FBLN1: variants seen among roughly 807,000 people sequenced by gnomAD.
The protein encoded by FBLN1 is fibulin-1.
In FBLN1, 34 loss-of-function variants were observed where a neutral mutation model predicts 89.7. The observed-to-expected ratio is 0.38, with a 90% CI of 0.29 to 0.50. The LOEUF is 0.50. FBLN1 is among the 20% of genes least tolerant of loss of function. FBLN1 has a pLI of 0.92. For synonymous variants in FBLN1, 393 were observed against 391.3 expected, an observed-to-expected ratio of 1.00 and a Z score of -0.05; for missense variants, 777 against 988.1, an observed-to-expected ratio of 0.79 and a Z score of 2.86.
In FBLN1 at chr22:45,531,220, A is replaced by T; in HGVS notation, c.485-45A>T. 1 of 1,549,870 alleles carries T rather than the reference A, an allele frequency of 6.5e-7. No homozygotes were observed. Among genetic ancestry groups the T allele is most frequent in the Non-Finnish European group, 8.9e-7 (1 of 1,121,516 alleles). On this transcript the variant is annotated intron_variant, in intron 4 of 16. Transcript: ENST00000327858. This position sits in a 1 kb window ranked among gnomAD's most constrained non-coding sequence, Gnocchi z 4.9. ...TGTTGGGAGTTTCTTTTAAGATAAG[A>T]TGGGTGTTTGGATAAATGTCTGACT...
At chr22:45,566,746 AT>A (rs1289443076) in intron 14 of FBLN1, among the ~76,000 whole-genome samples, 2 of 152,170 alleles carry the variant, frequency 1.3e-5, no homozygotes, top group Non-Finnish European at 2.9e-5. Flanking sequence ...GGGGATGAAG[AT>A]TCAGAGAGTT....
In FBLN1 at chr22:45,600,403, A is replaced by G; in HGVS notation, c.2069A>G (p.Asn690Ser). The G allele has an allele frequency of 6.2e-7, 1 of 1,614,158 alleles. No individual in the cohort carries two copies. The highest frequency in any genetic ancestry group is 1.1e-5 in the South Asian group (1 of 91,074). ...GTCGGGGGCGTGGTCTCCCACCGAA[A>G]TGTTGTCAACGTCCACATCTTCGTC... ...YVVGGVVSHR[N>S]VVNVHIFVSE... Residue 690 changes from asparagine (N) to serine (S), a missense_variant, in exon 17 of 17, where the codon AAT becomes AGT. Coordinates refer to ENST00000327858, the MANE Select transcript of FBLN1 (RefSeq NM_006486.3).
Position 45,577,161 on chromosome 22 carries a change from G to T in FBLN1, c.1972+53G>T. 6.2e-7 allele frequency: 1 copy of T among 1,602,468 alleles called. No homozygotes were observed. Among genetic ancestry groups the T allele is most frequent in the South Asian group, 1.1e-5 (1 of 90,696 alleles). On this transcript the variant is annotated intron_variant, in intron 16 of 16. Coordinates refer to ENST00000327858, the MANE Select transcript of FBLN1 (RefSeq NM_006486.3). The surrounding 1 kb of genome is among the most constrained non-coding windows in gnomAD (Gnocchi z 6.6). ...CCAGGCACCCCTCCCCCTCCACCCC[G>T]AAACCCTCTCTGGCCCAGCCCAACT... is the stretch of plus-strand genomic sequence containing the variant.
chr22:45,543,640 A>G, intron 11 of FBLN1, 114 bp downstream of exon 11: 1 of 1,355,604 alleles, frequency 7.4e-7, no homozygotes, highest in Non-Finnish European at 1.0e-6. Context: ...GTTAAATGAC[A>G]TGTTAGCAGG....
intron 1 of FBLN1, among the ~76,000 whole-genome samples, chr22:45,506,064 G>A (rs921937157): frequency 3.3e-5 from 5 of 152,182 alleles, no homozygotes; most frequent in Non-Finnish European, 7.4e-5. Context: ...CCACCGTGCC[G>A]GCTGGCAGCC....
rs2088873744 is a variant in FBLN1, at chr22:45,563,417, C to G, written c.1698-11094C>G. 3 of 1,500,450 alleles carry G rather than the reference C, an allele frequency of 2.0e-6. No individual in the cohort carries two copies. The South Asian group carries it at 3.8e-5, about 19-fold the overall frequency. The allele number at this position is 1,500,450 out of a possible 1,614,324, so 92.9% of individuals were successfully genotyped here. A position where few individuals can be genotyped will look rare whatever the true frequency, so the allele number is the denominator to read the frequency against. ...GGTTGGGAGTCTGTGCCGCTTGTTA[C>G]CCGGGGGTGAGCTGGGCACTGGCCA... On this transcript the variant is annotated intron_variant, in intron 14 of 16. Coordinates refer to ENST00000327858, the MANE Select transcript of FBLN1 (RefSeq NM_006486.3). The surrounding 1 kb of genome is among the most constrained non-coding windows in gnomAD (Gnocchi z 5.7).
chr22:45,592,014 A>G (rs2089141863), intron 16 of FBLN1, among the ~76,000 whole-genome samples: 1 of 151,556 alleles, frequency 6.6e-6, no homozygotes, highest in Non-Finnish European at 1.5e-5. Context: ...CCTGCGCGCC[A>G]TTTTGCAGAC....
rs147200168 is a variant in FBLN1, at chr22:45,517,104, C to A, written c.80-1578C>A. On this transcript the variant is annotated intron_variant, in intron 1 of 16. Transcript: ENST00000327858. Reference sequence around the variant, plus strand: ...TGCCTCACCCAGCAGACAGCAGCCGCCCTCTGGGCCACCCCGAGGGCCCAG... The same window carrying A: ...TGCCTCACCCAGCAGACAGCAGCCGACCTCTGGGCCACCCCGAGGGCCCAG... Among the ~76,000 whole-genome samples the A allele has an allele frequency of 3.3e-3, 501 of 152,348 alleles. 4 individuals are homozygous for A. Among genetic ancestry groups the A allele is most frequent in the African/African-American group, 0.012 (489 of 41,576 alleles).
Position 45,543,347 on chromosome 22 carries a change from T to TGTG in FBLN1, c.1196-50_1196-48dup, listed in dbSNP as rs1194290884. ...AGCTGGCCTTACTAGGAGGGTGGAGTGTGGTGCCACTGTGTTGGACATTGC... is the reference window on the plus strand; with the variant it reads ...AGCTGGCCTTACTAGGAGGGTGGAGTGTGGTGGTGCCACTGTGTTGGACATTGC... On this transcript the variant is annotated intron_variant, in intron 10 of 16. Transcript: ENST00000327858. 5 of 1,603,546 alleles carry TGTG rather than the reference T, an allele frequency of 3.1e-6. No individual in the cohort carries two copies. In the Admixed American group the frequency reaches 8.3e-5, roughly 27 times the overall value.
In FBLN1 at chr22:45,575,712, C is replaced by T. The variant is rs2088991492; in HGVS notation, c.1840+1059C>T. On this transcript the variant is annotated intron_variant, in intron 15 of 16. Transcript: ENST00000327858. This position sits in a 1 kb window ranked among gnomAD's most constrained non-coding sequence, Gnocchi z 6.3. The stretch of plus-strand genomic sequence containing the variant: ...CATGTTGTGTAACCTGCCATCACTG[C>T]ACCGTTTCTCTGGAGCAGGGCCTGG... Among the ~76,000 whole-genome samples, 1 of 152,170 alleles carries T rather than the reference C, an allele frequency of 6.6e-6. No individual in the cohort carries two copies. Among genetic ancestry groups the T allele is most frequent in the Admixed American group, 6.5e-5 (1 of 15,280 alleles).
At chr22:45,591,243 C>G (rs1007714343) in intron 16 of FBLN1, among the ~76,000 whole-genome samples, 1 of 152,146 alleles carries the variant, frequency 6.6e-6, no homozygotes, top group African/African-American at 2.4e-5. Context: ...AAATTTTCTC[C>G]CCGGTGAGCC....
chr22:45,506,818 G>T (rs533342656), intron 1 of FBLN1, among the ~76,000 whole-genome samples: 1 of 152,324 alleles, frequency 6.6e-6, no homozygotes, highest in Non-Finnish European at 1.5e-5. Flanking sequence ...TTAAGCCCGG[G>T]CTCTGAGCAC....
chr22:45,542,363 T>C (rs2088568920), intron 10 of FBLN1, 80 bp downstream of exon 10: 1 of 1,565,474 alleles, frequency 6.4e-7, no homozygotes, highest in Non-Finnish European at 8.8e-7. Context: ...CCTCGAGTGA[T>C]GTGGTCTGAT....
intron 14 of FBLN1, among the ~76,000 whole-genome samples, chr22:45,570,333 A>AG (rs2088940992): frequency 2.0e-5 from 2 of 99,298 alleles, no homozygotes; most frequent in South Asian, 3.4e-4. Flanking sequence ...AAAAAAAAAA[A>AG]AAAAAAGAAA....
chr22:45,521,917 A>G (rs1446705973), intron 2 of FBLN1, among the ~76,000 whole-genome samples: 1 of 152,194 alleles, frequency 6.6e-6, no homozygotes, highest in Non-Finnish European at 1.5e-5. Flanking sequence ...TCCTCTTAAT[A>G]GTGATATTTA....
Position 45,550,423 on chromosome 22 carries a change from C to T in FBLN1, c.1574-69C>T. On this transcript the variant is annotated intron_variant, in intron 13 of 16. Coordinates refer to ENST00000327858, the MANE Select transcript of FBLN1 (RefSeq NM_006486.3). The surrounding 1 kb of genome is among the most constrained non-coding windows in gnomAD (Gnocchi z 8.4). ...CCTAGTTGATGGGAGGCCTGGGCTC[C>T]TCCGTCTCCAGATGGGTATGGCTCC... 1 of 1,611,794 alleles carries T rather than the reference C, an allele frequency of 6.2e-7. No homozygotes were observed. Among genetic ancestry groups the T allele is most frequent in the Non-Finnish European group, 8.5e-7 (1 of 1,179,422 alleles).
In FBLN1 at chr22:45,556,315, G is replaced by A. The variant is rs912044128; in HGVS notation, c.1697+5700G>A. Among the ~76,000 whole-genome samples, 3 of 152,130 alleles carry A rather than the reference G, an allele frequency of 2.0e-5. No homozygotes were observed. Among genetic ancestry groups the A allele is most frequent in the African/African-American group, 7.2e-5 (3 of 41,430 alleles). On this transcript the variant is annotated intron_variant, in intron 14 of 16. Transcript: ENST00000327858. The surrounding 1 kb of genome is among the most constrained non-coding windows in gnomAD (Gnocchi z 4.6). ...CTGGCCATGTTTTTAAAAGAAGGAG[G>A]AAATACTCACGACAATTACAGTCCT...
Position 45,563,230 on chromosome 22 carries a change from G to T in FBLN1, c.1698-11281G>T, listed in dbSNP as rs1199969313. 1 of 1,613,784 alleles carries T rather than the reference G, an allele frequency of 6.2e-7. No homozygotes were observed. Among genetic ancestry groups the T allele is most frequent in the Admixed American group, 1.7e-5 (1 of 60,028 alleles). On this transcript the variant is annotated intron_variant, in intron 14 of 16. Coordinates refer to ENST00000327858, the MANE Select transcript of FBLN1 (RefSeq NM_006486.3). The surrounding 1 kb of genome is among the most constrained non-coding windows in gnomAD (Gnocchi z 5.7). ...GCCACGGCACCGTCAGCTCCTTTGT[G>T]GCCAAGCTTTTCATCTTTGTGTCTG...
chr22:45,526,083 A>G (rs73890002), intron 3 of FBLN1, among the ~76,000 whole-genome samples: 3,136 of 152,300 alleles, frequency 0.021, 107 homozygotes, highest in African/African-American at 0.072. Context: ...CAGACTCGTC[A>G]GGGTCCAGAG....
Sources: gnomAD v4.1 joint callset for allele counts (sites outside exome capture counted in the v4.1 genomes callset) on GRCh38, gnomAD v4.1.1 for gene constraint, Gnocchi (gnomAD v3.1) non-coding constraint, MANE v1.5 for transcripts, NCBI Gene and HGNC (gene_info 2026-07-23, HGNC 2026-07-21) for gene names.